Variants in TRIM27 observed in about 807,000 individuals in gnomAD.
TRIM27 encodes zinc finger protein RFP.
In TRIM27, 12 loss-of-function variants were observed where a neutral mutation model predicts 57.6. That is an observed-to-expected ratio of 0.21 (90% confidence interval 0.13 to 0.34). The LOEUF is 0.34. Among genes scored for constraint, TRIM27 ranks in the 10% least tolerant of loss-of-function variants. The pLI is 1.00. For synonymous variants in TRIM27, 266 were observed against 259.0 expected (o/e 1.03, Z -0.26); for missense variants, 403 against 656.8 (o/e 0.61, Z 4.22).
At position 28,904,162 on chromosome 6, in the gene TRIM27, C is replaced by A; in HGVS notation, c.1450G>T (p.Ala484Ser). The stretch of plus-strand genomic sequence containing the variant: ...ATGGGGCAGATGATCAGAGGAGCTG[C>A]ACTTTTCCCTCCCGAGTAACTCAGA... ...FSLSYSGGKS[A>S]APLIICPMSG... Residue 484 changes from alanine (A) to serine (S), a missense_variant, in exon 8 of 8, where the codon GCA becomes TCA. By Grantham distance (99) the Ala-to-Ser change is moderately conservative (BLOSUM62 1). Transcript: ENST00000377199. This position sits in a 1 kb window ranked among gnomAD's most constrained non-coding sequence, Gnocchi z 6.1. 6.2e-7 allele frequency: 1 copy of A among 1,613,078 alleles called. No homozygotes were observed. Among genetic ancestry groups the A allele is most frequent in the Non-Finnish European group, 8.5e-7 (1 of 1,180,030 alleles).
intron 4 of TRIM27, among the ~76,000 whole-genome samples, chr6:28,911,103 AC>A (rs1234433854): frequency 1.3e-5 from 2 of 151,922 alleles, no homozygotes; most frequent in African/African-American, 4.8e-5. Context: ...GGCCCATCCC[AC>A]TTGCCTCGTC....
chr6:28,919,889 G>T, intron 3 of TRIM27, 123 bp downstream of exon 3: 2 of 864,538 alleles, frequency 2.3e-6, no homozygotes, highest in Non-Finnish European at 3.5e-6. Context: ...TATAGAGTTT[G>T]GCAAGCTCTT....
At chr6:28,908,863 T>C (rs1408494757) in intron 5 of TRIM27, 23 bp from the exon 6 acceptor site, 1 of 1,613,252 alleles carries the variant, frequency 6.2e-7, no homozygotes, top group Admixed American at 1.7e-5. Flanking sequence ...AACAAGAAAA[T>C]ATTCAGTCTG....
Position 28,921,915 on chromosome 6 carries a change from C to G in TRIM27, c.493G>C (p.Glu165Gln). ...DLKKRRRAQG[E>Q]QARAELLSLT... Reference sequence around the variant, plus strand: ...ACCAAGAGTTCAGCTCGTGCCTGTTCCCCCTGGGCCCGACGTCTCTTCTTT... The same window carrying G: ...ACCAAGAGTTCAGCTCGTGCCTGTTGCCCCTGGGCCCGACGTCTCTTCTTT... Residue 165 changes from glutamate to glutamine, a missense_variant, in exon 2 of 8, where the codon GAA (glutamate) becomes CAA (glutamine). By Grantham distance (29) the Glu-to-Gln change is conservative. Coordinates refer to ENST00000377199, the MANE Select transcript of TRIM27 (RefSeq NM_006510.5). 1 of 1,612,808 alleles carries G rather than the reference C, an allele frequency of 6.2e-7. No homozygotes were observed. The highest frequency in any genetic ancestry group is 8.5e-7 in the Non-Finnish European group (1 of 1,179,790).
Position 28,923,234 on chromosome 6 carries a change from C to A in TRIM27, c.399G>T (p.Glu133Asp). ...TCACCTTGAAGCCCTCCACCGCCTC[C>A]TCGAGCGGCAGCACGCTGTGGCCGC... ...EHRGHSVLPLEEAVEGFKEQI... is the reference protein window; with the variant it reads ...EHRGHSVLPLDEAVEGFKEQI... Residue 133 changes from glutamate (E) to aspartate (D), a missense_variant, in exon 1 of 8, where the codon GAG becomes GAT. Glu to Asp is a conservative substitution (Grantham distance 45, BLOSUM62 2). Coordinates refer to ENST00000377199, the MANE Select transcript of TRIM27 (RefSeq NM_006510.5). 1 of 1,597,506 alleles carries A rather than the reference C, an allele frequency of 6.3e-7. No homozygotes were observed.
chr6:28,911,740 A>G (rs41270612), intron 3 of TRIM27, 22 bp from the exon 4 acceptor site: 20 of 1,611,006 alleles, frequency 1.2e-5, no homozygotes, highest in East Asian at 2.2e-5. Flanking sequence ...AGGAAAAAAA[A>G]TAACCATGAG....
chr6:28,919,534 C>A (rs1397354290), intron 3 of TRIM27, among the ~76,000 whole-genome samples: 1 of 152,156 alleles, frequency 6.6e-6, no homozygotes, highest in African/African-American at 2.4e-5. Context: ...AGCTTTATCA[C>A]CTGCTCTACC....
chr6:28,922,237 C>A (rs1774099031), intron 1 of TRIM27, among the ~76,000 whole-genome samples: 1 of 152,176 alleles, frequency 6.6e-6, no homozygotes, highest in Non-Finnish European at 1.5e-5. Flanking sequence ...CTATTTGTGT[C>A]TATCTTAAAC....
chr6:28,906,386 G>C (rs1260029918), intron 7 of TRIM27: 1 of 152,048 alleles, frequency 6.6e-6, no homozygotes, highest in Non-Finnish European at 1.5e-5. Context: ...AGGTAACCAA[G>C]AACCCCAGAA....
Position 28,921,943 on chromosome 6 carries a change from A to G in TRIM27, c.465T>C (p.Asp155=). The change falls in exon 2 of 8, where the codon GAT becomes GAC. Residue 155 remains aspartate (D), a synonymous_variant. Transcript: ENST00000377199. ...NQLDHLKRVK[D]LKKRRRAQGE... Reference sequence around the variant, plus strand: ...CCTGGGCCCGACGTCTCTTCTTTAAATCTTTCACTCTTTTTAAATGGTCGA... The same window carrying G: ...CCTGGGCCCGACGTCTCTTCTTTAAGTCTTTCACTCTTTTTAAATGGTCGA... The G allele has an allele frequency of 6.2e-7, 1 of 1,613,058 alleles. No individual in the cohort carries two copies. Among genetic ancestry groups the G allele is most frequent in the South Asian group, 1.1e-5 (1 of 91,084 alleles).
At chr6:28,918,546 G>C (rs1562174627) in intron 3 of TRIM27, among the ~76,000 whole-genome samples, 1 of 152,104 alleles carries the variant, frequency 6.6e-6, no homozygotes, top group African/African-American at 2.4e-5. Flanking sequence ...AAGAAAAAAA[G>C]AAAGAAAGAA....
intron 3 of TRIM27, among the ~76,000 whole-genome samples, chr6:28,913,212 G>A (rs1371874265): frequency 6.8e-6 from 1 of 147,262 alleles, no homozygotes; most frequent in African/African-American, 2.5e-5. Flanking sequence ...CTGAGATCTT[G>A]CCATTGTACT....
rs1772574287 is a variant in TRIM27, at chr6:28,903,910, G to A, written c.*160C>T. The A allele has an allele frequency of 1.6e-6, 1 of 626,786 alleles. No individual in the cohort carries two copies. Among genetic ancestry groups the A allele is most frequent in the Non-Finnish European group, 2.9e-6 (1 of 348,696 alleles). The allele number at this position is 626,786 out of a possible 1,614,324, so 38.8% of individuals were successfully genotyped here. Reference sequence around the variant, plus strand: ...TTACATTTCACAATCTGCATGGGAAGGAAAAGGATGGTAGAGAACATGGAC... The same window carrying A: ...TTACATTTCACAATCTGCATGGGAAAGAAAAGGATGGTAGAGAACATGGAC... On this transcript the variant is annotated 3_prime_UTR_variant, in exon 8 of 8. Coordinates refer to ENST00000377199, the MANE Select transcript of TRIM27 (RefSeq NM_006510.5).
In TRIM27 at chr6:28,918,704, C is replaced by T. The variant is rs376658325; in HGVS notation, c.747+1308G>A. Among the ~76,000 whole-genome samples the T allele has an allele frequency of 7.9e-5, 12 of 151,894 alleles. No homozygotes were observed. The East Asian group carries it at 1.4e-3, about 17-fold the overall frequency. ...CAGCCTGACCAATATGGTGAAACCC[C>T]GTCTCTACTAAAAATACAAAAATTA... On this transcript the variant is annotated intron_variant, in intron 3 of 7. Transcript: ENST00000377199.
chr6:28,914,431 G>A (rs1044188288), intron 3 of TRIM27, among the ~76,000 whole-genome samples: 17 of 151,530 alleles, frequency 1.1e-4, no homozygotes, highest in Non-Finnish European at 1.9e-4. Context: ...CACTGCACCC[G>A]GCCTATCCCA....
At position 28,923,645 on chromosome 6, in the gene TRIM27, C is replaced by T; in HGVS notation, c.-13G>A. 6.5e-7 allele frequency: 1 copy of T among 1,543,068 alleles called. No individual in the cohort carries two copies. Among genetic ancestry groups the T allele is most frequent in the African/African-American group, 1.4e-5 (1 of 73,626 alleles). On this transcript the variant is annotated 5_prime_UTR_variant, in exon 1 of 8. Coordinates refer to ENST00000377199, the MANE Select transcript of TRIM27 (RefSeq NM_006510.5). Reference sequence around the variant, plus strand: ...TCCCGGAGGCCATGGCGCCGGCCTGCGGGGGCGCACGGGCATGGGCCCCGG... The same window carrying T: ...TCCCGGAGGCCATGGCGCCGGCCTGTGGGGGCGCACGGGCATGGGCCCCGG...
intron 3 of TRIM27, 49 bp downstream of exon 3, chr6:28,919,963 G>T (rs1318444656): frequency 6.4e-7 from 1 of 1,551,492 alleles, no homozygotes; most frequent in South Asian, 1.2e-5. Context: ...AAGGAGAAGG[G>T]ACGATATTTT....
At chr6:28,919,388 A>G (rs1207680502) in intron 3 of TRIM27, among the ~76,000 whole-genome samples, 1 of 152,220 alleles carries the variant, frequency 6.6e-6, no homozygotes, top group African/African-American at 2.4e-5. Flanking sequence ...ATAATTCAGG[A>G]AAGCTTATTT....
chr6:28,909,118 T>G, intron 4 of TRIM27, 30 bp from the exon 5 acceptor site: 1 of 1,554,074 alleles, frequency 6.4e-7, no homozygotes, highest in Non-Finnish European at 8.8e-7. Flanking sequence ...GTAAATTTTT[T>G]TTTTTTTTGA....
Sources: allele counts gnomAD v4.1 joint callset (sites outside exome capture counted in the v4.1 genomes callset), GRCh38; gene constraint gnomAD v4.1.1; non-coding constraint Gnocchi (gnomAD v3.1); transcripts MANE v1.5; gene names NCBI Gene and HGNC (gene_info 2026-07-23, HGNC 2026-07-21).